Variants in KCNH5 observed in about 807,000 individuals in gnomAD.
KCNH5 encodes voltage-gated delayed rectifier potassium channel KCNH5.
KCNH5 carries 46 observed loss-of-function variants against 96.1 expected under a neutral mutation model. The observed-to-expected ratio is 0.48, with a 90% CI of 0.38 to 0.61. The LOEUF (loss-of-function observed/expected upper bound fraction) is 0.61, where lower values mean the gene tolerates loss of function less well. Among genes scored for constraint, KCNH5 ranks in the 20% least tolerant of loss-of-function variants. The pLI is 0.00. For synonymous variants in KCNH5, 439 were observed against 449.8 expected (o/e 0.98, Z 0.30); for missense variants, 907 against 1,225.8 (o/e 0.74, Z 3.88).
chr14:62,737,139 G>A (rs1242776101), intron 10 of KCNH5, among the ~76,000 whole-genome samples: 1 of 152,098 alleles, frequency 6.6e-6, no homozygotes, highest in East Asian at 1.9e-4. Context: ...CTTCTTTCCT[G>A]ATTCATTTTC....
At chr14:62,947,722 C>A (rs1314118502) in intron 7 of KCNH5, among the ~76,000 whole-genome samples, 2 of 152,176 alleles carry the variant, frequency 1.3e-5, no homozygotes, top group East Asian at 1.9e-4. Flanking sequence ...TAGACACACA[C>A]ACACACACAC....
Position 63,026,930 on chromosome 14 carries a change from T to C in KCNH5, c.74-9976A>G, listed in dbSNP as rs149823152. Among the ~76,000 whole-genome samples the C allele has an allele frequency of 4.0e-3, 603 of 152,198 alleles. 5 individuals carry two copies. Among genetic ancestry groups the C allele is most frequent in the African/African-American group, 0.013 (537 of 41,566 alleles). On this transcript the variant is annotated intron_variant, in intron 1 of 10. Transcript: ENST00000322893. ...ATGGTTATTGCTCCACTATTTACAG[T>C]AGCTAAGATATGGAATCAACCTAAG...
At chr14:62,854,556 T>G (rs1486370540) in intron 7 of KCNH5, among the ~76,000 whole-genome samples, 1 of 152,128 alleles carries the variant, frequency 6.6e-6, no homozygotes, top group Non-Finnish European at 1.5e-5. Context: ...TGGCCAGTTT[T>G]GTCAGTTTTA....
At chr14:62,901,418 C>CA (rs200883763) in intron 7 of KCNH5, among the ~76,000 whole-genome samples, 2,097 of 152,198 alleles carry the variant, frequency 0.014, 24 homozygotes, top group South Asian at 0.028. Flanking sequence ...CTATTACTGC[C>CA]ATATTTATGT....
At chr14:62,962,535 A>G (rs972704486) in intron 6 of KCNH5, among the ~76,000 whole-genome samples, 1 of 152,272 alleles carries the variant, frequency 6.6e-6, no homozygotes, top group Non-Finnish European at 1.5e-5. Flanking sequence ...GTTAGTGAAG[A>G]AGAATATGCC....
chr14:62,818,870 A>G (rs1345567794), intron 8 of KCNH5, among the ~76,000 whole-genome samples: 1 of 152,206 alleles, frequency 6.6e-6, no homozygotes, highest in Non-Finnish European at 1.5e-5. Flanking sequence ...TGTCAAAATA[A>G]TGGTTACAGG....
chr14:62,750,719 G>A (rs1885479647), intron 10 of KCNH5, among the ~76,000 whole-genome samples: 1 of 152,196 alleles, frequency 6.6e-6, no homozygotes, highest in Non-Finnish European at 1.5e-5. Context: ...AGAGCATGAA[G>A]TACCAGAAAG....
chr14:62,894,923 G>A (rs746161247), intron 7 of KCNH5, among the ~76,000 whole-genome samples: 1 of 152,078 alleles, frequency 6.6e-6, no homozygotes, highest in Non-Finnish European at 1.5e-5. Flanking sequence ...CTACAGCTGG[G>A]AATCTATAGA....
chr14:62,992,483 C>G (rs1890827894), intron 4 of KCNH5, among the ~76,000 whole-genome samples: 1 of 152,014 alleles, frequency 6.6e-6, no homozygotes, highest in African/African-American at 2.4e-5. Flanking sequence ...TCCTTACCAA[C>G]ATCTGCTATT....
chr14:63,006,340 A>T, intron 3 of KCNH5, 26 bp downstream of exon 3: 1 of 1,348,530 alleles, frequency 7.4e-7, no homozygotes, highest in South Asian at 1.2e-5. Context: ...GAGTTGGCAC[A>T]TCTTATTAAT....
chr14:63,043,204 T>C (rs1191460153), intron 1 of KCNH5, among the ~76,000 whole-genome samples: 2 of 152,154 alleles, frequency 1.3e-5, no homozygotes, highest in African/African-American at 4.8e-5. Context: ...TTTCATAGTC[T>C]GCATAAGAAG....
chr14:62,769,370 A>G (rs549224473), intron 10 of KCNH5, among the ~76,000 whole-genome samples: 9 of 152,098 alleles, frequency 5.9e-5, no homozygotes, highest in Non-Finnish European at 1.2e-4. Context: ...TTATATCTAC[A>G]CTCTGCTCAG....
At chr14:62,963,303 T>C (rs1890247459) in intron 6 of KCNH5, among the ~76,000 whole-genome samples, 1 of 152,116 alleles carries the variant, frequency 6.6e-6, no homozygotes, top group East Asian at 1.9e-4. Context: ...TTCAGTACCA[T>C]CTGTGGTTTC....
At chr14:62,946,126 T>A (rs980248354) in intron 7 of KCNH5, among the ~76,000 whole-genome samples, 4 of 151,964 alleles carry the variant, frequency 2.6e-5, no homozygotes, top group Non-Finnish European at 2.9e-5. Context: ...GGTGACTTGG[T>A]CTTGGGTGGT....
chr14:62,970,044 TAAAAAAAA>T (rs373852520), intron 6 of KCNH5, among the ~76,000 whole-genome samples: 33 of 30,420 alleles, frequency 1.1e-3, no homozygotes, highest in Non-Finnish European at 1.6e-3. Context: ...AGACTCCGTC[TAAAAAAAA>T]AAAAAAAAAA....
At chr14:62,869,703 A>G (rs926821162) in intron 7 of KCNH5, among the ~76,000 whole-genome samples, 10 of 152,156 alleles carry the variant, frequency 6.6e-5, no homozygotes, top group African/African-American at 2.4e-4. Context: ...ACTATACTAC[A>G]AGGCTGCAGT....
At chr14:62,906,168 C>T (rs1433382603) in intron 7 of KCNH5, among the ~76,000 whole-genome samples, 2 of 152,304 alleles carry the variant, frequency 1.3e-5, no homozygotes, top group East Asian at 3.9e-4. Flanking sequence ...AGACACCATG[C>T]TAGGCTTTGG....
intron 3 of KCNH5, among the ~76,000 whole-genome samples, chr14:63,005,227 A>T (rs765242391): frequency 1.9e-4 from 29 of 152,224 alleles, no homozygotes; most frequent in Non-Finnish European, 3.8e-4. Context: ...GAAAAATAAG[A>T]TAAGCCATTC....
At chr14:62,715,758 T>G (rs1252546754) in intron 10 of KCNH5, among the ~76,000 whole-genome samples, 1 of 149,340 alleles carries the variant, frequency 6.7e-6, no homozygotes, top group Non-Finnish European at 1.5e-5. Context: ...AATTAATTAA[T>G]TAAGTAAATG....
Sources: allele counts gnomAD v4.1 joint callset (sites outside exome capture counted in the v4.1 genomes callset), GRCh38; gene constraint gnomAD v4.1.1; transcripts MANE v1.5; gene names NCBI Gene and HGNC (gene_info 2026-07-23, HGNC 2026-07-21).